The following LPP variants were observed in gnomAD, a reference collection of about 807,000 sequenced individuals.
The protein encoded by LPP is lipoma-preferred partner.
LPP carries 38 observed loss-of-function variants against 60.4 expected under a neutral mutation model. The observed-to-expected ratio is 0.63, with a 90% CI of 0.49 to 0.83. The LOEUF is 0.83. Among genes scored for constraint, LPP ranks in the 40% least tolerant of loss-of-function variants. The probability of loss-of-function intolerance (pLI) is 0.00; values close to 1 mark genes in which losing one functional copy is unlikely to be tolerated. For synonymous variants in LPP, 328 were observed against 290.8 expected, an observed-to-expected ratio of 1.13 and a Z score of -1.30; for missense variants, 902 against 783.6, an observed-to-expected ratio of 1.15 and a Z score of -1.80.
At chr3:188,577,760 C>CCTTT (rs1478423993) in intron 6 of LPP, among the ~76,000 whole-genome samples, 2 of 62,150 alleles carry the variant, frequency 3.2e-5, no homozygotes, top group Non-Finnish European at 8.7e-5. Context: ...TTCGTTCCTT[C>CCTTT]GTTCCTTCCT....
At chr3:188,788,055 C>T (rs755648421) in intron 9 of LPP, among the ~76,000 whole-genome samples, 19 of 152,252 alleles carry the variant, frequency 1.2e-4, no homozygotes, top group Non-Finnish European at 2.9e-5. Context: ...ACCAAAGGCA[C>T]AGGAGCTGGC....
At chr3:188,562,701 T>C (rs911385418) in intron 6 of LPP, among the ~76,000 whole-genome samples, 2 of 151,982 alleles carry the variant, frequency 1.3e-5, no homozygotes, top group Non-Finnish European at 2.9e-5. Flanking sequence ...GTTTGTTAGT[T>C]TGGGAAAGAA....
intron 4 of LPP, among the ~76,000 whole-genome samples, chr3:188,452,491 T>A (rs914264561): frequency 1.3e-5 from 2 of 152,136 alleles, no homozygotes; most frequent in African/African-American, 4.8e-5. Flanking sequence ...GAATTTATTA[T>A]TGTTGTTGTT....
At chr3:188,362,926 TCCACCAC>T (rs1769936802) in intron 3 of LPP, among the ~76,000 whole-genome samples, 1 of 152,210 alleles carries the variant, frequency 6.6e-6, no homozygotes, top group Non-Finnish European at 1.5e-5. Flanking sequence ...AGTTTCACCA[TCCACCAC>T]ATTATTAATT....
intron 1 of LPP, among the ~76,000 whole-genome samples, chr3:188,159,732 G>T (rs1189336765): frequency 6.6e-6 from 1 of 152,198 alleles, no homozygotes; most frequent in Non-Finnish European, 1.5e-5. Flanking sequence ...GCATTGGGCA[G>T]TCCTGCCAGC....
intron 6 of LPP, among the ~76,000 whole-genome samples, chr3:188,597,064 A>G (rs1580267181): frequency 6.6e-6 from 1 of 152,242 alleles, no homozygotes; most frequent in Non-Finnish European, 1.5e-5. Context: ...AAGTCTGAGC[A>G]TTCTGGTGTG....
At chr3:188,302,050 ATT>A (rs1750068426) in intron 2 of LPP, among the ~76,000 whole-genome samples, 1 of 152,070 alleles carries the variant, frequency 6.6e-6, no homozygotes, top group Non-Finnish European at 1.5e-5. Flanking sequence ...TAATGAAGGT[ATT>A]TTCAAGGTTT....
chr3:188,184,685 CTTTTTTTTT>C (rs34173936), intron 1 of LPP, among the ~76,000 whole-genome samples: 1 of 124,706 alleles, frequency 8.0e-6, no homozygotes. Flanking sequence ...CTCCGGTAAA[CTTTTTTTTT>C]TTTTTTTTTT....
At chr3:188,379,182 G>A (rs912407858) in intron 3 of LPP, among the ~76,000 whole-genome samples, 7 of 152,002 alleles carry the variant, frequency 4.6e-5, no homozygotes, top group African/African-American at 1.7e-4. Context: ...GGTTTTGTCT[G>A]AAAGCACTGG....
intron 9 of LPP, among the ~76,000 whole-genome samples, chr3:188,830,095 G>T (rs1756738067): frequency 1.3e-5 from 2 of 151,780 alleles, no homozygotes; most frequent in African/African-American, 2.4e-5. Context: ...TATGAAATAA[G>T]CTCTGTGAAA....
At chr3:188,665,029 G>T (rs994990915) in intron 7 of LPP, among the ~76,000 whole-genome samples, 5 of 152,130 alleles carry the variant, frequency 3.3e-5, no homozygotes, top group Non-Finnish European at 7.3e-5. Context: ...TTTCTTCAGT[G>T]ACCACGTCTT....
chr3:188,509,347 C>T (rs112597437), intron 5 of LPP, among the ~76,000 whole-genome samples: 84 of 152,286 alleles, frequency 5.5e-4, no homozygotes, highest in African/African-American at 1.8e-3. Context: ...TCCCTTATTT[C>T]ATAAGAAGAC....
intron 8 of LPP, among the ~76,000 whole-genome samples, chr3:188,719,465 G>A (rs1448999102): frequency 2.0e-5 from 3 of 152,188 alleles, no homozygotes; most frequent in African/African-American, 4.8e-5. Context: ...ATTCAGCTGC[G>A]TTAGGATCAC....
At chr3:188,786,326 T>C (rs1482532780) in intron 9 of LPP, among the ~76,000 whole-genome samples, 1 of 132,186 alleles carries the variant, frequency 7.6e-6, no homozygotes, top group African/African-American at 2.9e-5. Flanking sequence ...GAGGTTGCAG[T>C]GAGCCAAGAG....
intron 3 of LPP, among the ~76,000 whole-genome samples, chr3:188,392,201 T>C (rs1779874953): frequency 6.6e-6 from 1 of 152,222 alleles, no homozygotes; most frequent in Admixed American, 6.5e-5. Context: ...TATAACAGAA[T>C]GGACTGCAAC....
Position 188,889,367 on chromosome 3 carries a change from G to T in LPP, c.*14888G>T, listed in dbSNP as rs1011813151. ...AGGTAGACAGTGCATGATTGTAGGA[G>T]AAGGGTTGAAGGGAGGACATGATTC... is the stretch of plus-strand genomic sequence containing the variant. On this transcript the variant is annotated 3_prime_UTR_variant, in exon 12 of 12. Coordinates refer to ENST00000617246, the MANE Select transcript of LPP (RefSeq NM_001375462.1). The T allele has an allele frequency of 4.3e-6, 1 of 231,648 alleles. No individual in the cohort carries two copies. Among genetic ancestry groups the T allele is most frequent in the Non-Finnish European group, 8.5e-6 (1 of 117,090 alleles). 14.3% of individuals were successfully genotyped at this position (231,648 alleles called of 1,614,324 possible).
intron 3 of LPP, among the ~76,000 whole-genome samples, chr3:188,383,412 A>G (rs951514727): frequency 1.3e-5 from 2 of 152,160 alleles, no homozygotes; most frequent in African/African-American, 4.8e-5. Flanking sequence ...TGTTGTTATT[A>G]TCTTTCTCAA....
chr3:188,237,409 G>T (rs1397710164), intron 2 of LPP, among the ~76,000 whole-genome samples: 1 of 152,094 alleles, frequency 6.6e-6, no homozygotes, highest in African/African-American at 2.4e-5. Flanking sequence ...CATCTAGAAT[G>T]GTGAATCCTT....
At chr3:188,187,089 A>T (rs1278530435) in intron 1 of LPP, among the ~76,000 whole-genome samples, 1 of 152,156 alleles carries the variant, frequency 6.6e-6, no homozygotes, top group Non-Finnish European at 1.5e-5. Context: ...ACTTGTCAAT[A>T]ATGTTTTAGG....
Sources: allele counts gnomAD v4.1 joint callset (sites outside exome capture counted in the v4.1 genomes callset), GRCh38; gene constraint gnomAD v4.1.1; transcripts MANE v1.5; gene names NCBI Gene and HGNC (gene_info 2026-07-23, HGNC 2026-07-21).